BMPR2: variants seen among roughly 807,000 people sequenced by gnomAD.
BMPR2 encodes the protein bone morphogenetic protein receptor type 2.
A neutral mutation model predicts 100.8 loss-of-function variants in BMPR2; 29 were observed. That is an observed-to-expected ratio of 0.29 (90% CI 0.21 to 0.39). BMPR2 has a LOEUF of 0.39. BMPR2 is among the 10% of genes least tolerant of loss of function. BMPR2 has a pLI of 1.00. For synonymous variants in BMPR2, 382 were observed against 442.3 expected, an observed-to-expected ratio of 0.86 and a Z score of 1.71; for missense variants, 1,011 against 1,274.5, an observed-to-expected ratio of 0.79 and a Z score of 3.15.
chr2:202,406,147 A>G (rs1690886615), intron 1 of BMPR2, among the ~76,000 whole-genome samples: 1 of 152,168 alleles, frequency 6.6e-6, no homozygotes. Flanking sequence ...CTCTACCTTT[A>G]CTTTTATGTT....
At chr2:202,459,600 T>C (rs1410448239) in intron 1 of BMPR2, among the ~76,000 whole-genome samples, 1 of 152,230 alleles carries the variant, frequency 6.6e-6, no homozygotes, top group East Asian at 1.9e-4. Context: ...TTTGGTTTTC[T>C]GTTCCTGTAT....
chr2:202,435,401 AT>A (rs1559037702), intron 1 of BMPR2, among the ~76,000 whole-genome samples: 2 of 140,446 alleles, frequency 1.4e-5, no homozygotes, highest in Non-Finnish European at 3.0e-5. Context: ...ATATATATAT[AT>A]ATATATGTTT....
intron 10 of BMPR2, among the ~76,000 whole-genome samples, chr2:202,551,373 A>C (rs1688474927): frequency 6.6e-6 from 1 of 151,602 alleles, no homozygotes; most frequent in Non-Finnish European, 1.5e-5. Flanking sequence ...AAAAAAAAAA[A>C]AACAGCCGGG....
At chr2:202,524,255 G>A (rs543736011) in intron 7 of BMPR2, among the ~76,000 whole-genome samples, 19 of 151,812 alleles carry the variant, frequency 1.3e-4, no homozygotes, top group Admixed American at 1.2e-3. Flanking sequence ...CCAGCTACTC[G>A]CGAGGCTGAG....
In BMPR2 at chr2:202,552,737, A is replaced by G; in HGVS notation, c.1435A>G (p.Thr479Ala). ...NSLAVRSLKETIEDCWDQDAE... is the reference protein window; with the variant it reads ...NSLAVRSLKEAIEDCWDQDAE... ...ACAGGCAGTGAGGTCACTCAAGGAGACAATCGAAGACTGTTGGGACCAGGA... is the reference window on the plus strand; with the variant it reads ...ACAGGCAGTGAGGTCACTCAAGGAGGCAATCGAAGACTGTTGGGACCAGGA... The change falls in exon 11 of 13, where the codon ACA (threonine) becomes GCA (alanine). Residue 479 changes from threonine to alanine, a missense_variant. By Grantham distance (58) the Thr-to-Ala change is moderately conservative. Coordinates refer to ENST00000374580, the MANE Select transcript of BMPR2 (RefSeq NM_001204.7). 1 of 1,614,038 alleles carries G rather than the reference A, an allele frequency of 6.2e-7. No homozygotes were observed. The highest frequency in any genetic ancestry group is 8.5e-7 in the Non-Finnish European group (1 of 1,179,974).
At chr2:202,392,196 A>T (rs1690564473) in intron 1 of BMPR2, among the ~76,000 whole-genome samples, 1 of 151,196 alleles carries the variant, frequency 6.6e-6, no homozygotes, top group African/African-American at 2.4e-5. Context: ...TCTGCCTCCC[A>T]AGTAGCTGGG....
chr2:202,404,194 G>GT (rs747014208), intron 1 of BMPR2, among the ~76,000 whole-genome samples: 17,920 of 133,722 alleles, frequency 0.13, 1,285 homozygotes, highest in Non-Finnish European at 0.14. Context: ...TCTTTGGGTT[G>GT]TTTTTTTTTT....
chr2:202,532,973 C>A lies in BMPR2; in HGVS notation c.1276+241C>A, dbSNP rs1342146233. The stretch of plus-strand genomic sequence containing the variant: ...AAATTTAATTAATTGCCAGTAATAG[C>A]TTATCTAACTGTATTTTGTTTGGTC... On this transcript the variant is annotated intron_variant, in intron 9 of 12. Transcript: ENST00000374580. This position sits in a 1 kb window ranked among gnomAD's most constrained non-coding sequence, Gnocchi z 4.1. 6.6e-6 allele frequency among the ~76,000 whole-genome samples: 1 copy of A among 151,888 alleles called. No individual in the cohort carries two copies. The highest frequency in any genetic ancestry group is 1.5e-5 in the Non-Finnish European group (1 of 68,002).
At chr2:202,475,303 G>T (rs1692524106) in intron 3 of BMPR2, among the ~76,000 whole-genome samples, 1 of 151,996 alleles carries the variant, frequency 6.6e-6, no homozygotes, top group South Asian at 2.1e-4. Flanking sequence ...CAAAGTGTTG[G>T]AATTACAGGC....
Position 202,566,159 on chromosome 2 carries a change from T to C in BMPR2, c.*6213T>C, listed in dbSNP as rs973700846. Reference sequence around the variant, plus strand: ...TATTTGAAACTACAACTTGATTTGGTTTTCAGTTTTAAAAGGCAACATGTG... The same window carrying C: ...TATTTGAAACTACAACTTGATTTGGCTTTCAGTTTTAAAAGGCAACATGTG... On this transcript the variant is annotated 3_prime_UTR_variant, in exon 13 of 13. Transcript: ENST00000374580. 6.6e-6 allele frequency: 1 copy of C among 152,464 alleles called. No homozygotes were observed. Among genetic ancestry groups the C allele is most frequent in the African/African-American group, 2.4e-5 (1 of 41,458 alleles). 9.4% of individuals were successfully genotyped at this position (152,464 alleles called of 1,614,324 possible). A position where few individuals can be genotyped will look rare whatever the true frequency, so the allele number is the denominator to read the frequency against.
At chr2:202,476,560 G>A (rs1290405620) in intron 3 of BMPR2, among the ~76,000 whole-genome samples, 1 of 152,106 alleles carries the variant, frequency 6.6e-6, no homozygotes, top group Non-Finnish European at 1.5e-5. Flanking sequence ...AGGCCGAGGC[G>A]GGTGGATTGC....
chr2:202,547,549 G>A (rs75900038), intron 10 of BMPR2, among the ~76,000 whole-genome samples: 17,968 of 151,998 alleles, frequency 0.12, 1,175 homozygotes, highest in Admixed American at 0.14. Flanking sequence ...TTGGGAGGCT[G>A]GGGCATGTGG....
intron 1 of BMPR2, among the ~76,000 whole-genome samples, chr2:202,446,011 T>A (rs1250883317): frequency 6.7e-6 from 1 of 150,032 alleles, no homozygotes; most frequent in Non-Finnish European, 1.5e-5. Context: ...CCCGACCTCG[T>A]GATCTGCCCA....
intron 1 of BMPR2, among the ~76,000 whole-genome samples, chr2:202,456,247 C>G (rs1692100070): frequency 6.6e-6 from 1 of 151,676 alleles, no homozygotes; most frequent in Non-Finnish European, 1.5e-5. Flanking sequence ...TCTCGGCTCA[C>G]TGCAACCTCC....
chr2:202,510,312 G>A (rs529751580), intron 3 of BMPR2, among the ~76,000 whole-genome samples: 12 of 152,304 alleles, frequency 7.9e-5, no homozygotes, highest in Non-Finnish European at 1.6e-4. Flanking sequence ...CGCTACTTAG[G>A]AGTCTGAGGC....
intron 3 of BMPR2, among the ~76,000 whole-genome samples, chr2:202,478,308 T>C (rs1384117907): frequency 6.6e-6 from 1 of 152,206 alleles, no homozygotes; most frequent in Non-Finnish European, 1.5e-5. Flanking sequence ...GCATGAGTTA[T>C]AGTGCTGTTG....
chr2:202,430,297 G>T (rs895098791), intron 1 of BMPR2, among the ~76,000 whole-genome samples: 1 of 152,178 alleles, frequency 6.6e-6, no homozygotes, highest in Non-Finnish European at 1.5e-5. Context: ...AGTTGTAGCA[G>T]TATGCAGTAT....
intron 1 of BMPR2, among the ~76,000 whole-genome samples, chr2:202,441,244 G>C (rs1323546479): frequency 2.0e-5 from 3 of 150,158 alleles, no homozygotes; most frequent in African/African-American, 7.6e-5. Context: ...GCCTCCCAAA[G>C]TGCTAGGATT....
At position 202,519,068 on chromosome 2, in the gene BMPR2, A is replaced by G; in HGVS notation, c.852+16A>G. ...CTATCCCAATGTAAGTTCTTCATAGAAAATAAACTGAGGCCAGGTGTGGTG... is the reference window on the plus strand; with the variant it reads ...CTATCCCAATGTAAGTTCTTCATAGGAAATAAACTGAGGCCAGGTGTGGTG... On this transcript the variant is annotated intron_variant, in intron 6 of 12. Transcript: ENST00000374580. 6.2e-7 allele frequency: 1 copy of G among 1,611,392 alleles called. No homozygotes were observed.
Sources: gnomAD v4.1 joint callset for allele counts (sites outside exome capture counted in the v4.1 genomes callset) on GRCh38, gnomAD v4.1.1 for gene constraint, Gnocchi (gnomAD v3.1) non-coding constraint, MANE v1.5 for transcripts, NCBI Gene and HGNC (gene_info 2026-07-23, HGNC 2026-07-21) for gene names.